MAN1A2: variants seen among roughly 807,000 people sequenced by gnomAD.
The protein encoded by MAN1A2 is mannosyl-oligosaccharide 1,2-alpha-mannosidase IB.
MAN1A2 carries 26 observed loss-of-function variants against 75.7 expected under a neutral mutation model. The ratio of observed to expected loss-of-function variants is 0.34; its 90% CI spans 0.25 to 0.48. MAN1A2 has a LOEUF of 0.48. MAN1A2 is among the 20% of genes least tolerant of loss of function. The pLI is 0.99. For missense variants in MAN1A2, 562 were observed against 775.5 expected (o/e 0.72, Z 3.27); for synonymous variants, 247 against 264.6 (o/e 0.93, Z 0.65).
chr1:117,478,505 A>G (rs1650389519), intron 8 of MAN1A2, among the ~76,000 whole-genome samples: 1 of 151,958 alleles, frequency 6.6e-6, no homozygotes, highest in African/African-American at 2.4e-5. Context: ...CGCCTAACCC[A>G]AGCACACAAA....
chr1:117,394,342 A>G (rs1015737273), intron 1 of MAN1A2, among the ~76,000 whole-genome samples: 1 of 152,070 alleles, frequency 6.6e-6, no homozygotes, highest in African/African-American at 2.4e-5. Context: ...TCGGCCTCCC[A>G]AAGTGCTGGG....
rs1188307623 is a variant in MAN1A2 at position 117,526,346 on chromosome 1, A to G, written c.*3389A>G. Reference sequence around the variant, plus strand: ...TCACAACATTTTAAATGTTTCCAATATGAATCGTGTTACAAAATTCTTAAT... The same window carrying G: ...TCACAACATTTTAAATGTTTCCAATGTGAATCGTGTTACAAAATTCTTAAT... On this transcript the variant is annotated 3_prime_UTR_variant, in exon 13 of 13. Coordinates refer to ENST00000356554, the MANE Select transcript of MAN1A2 (RefSeq NM_006699.5). 1 of 151,940 alleles carries G rather than the reference A, an allele frequency of 6.6e-6. No homozygotes were observed. The highest frequency in any genetic ancestry group is 1.9e-4 in the East Asian group (1 of 5,176). 9.4% of individuals were successfully genotyped at this position (151,940 alleles called of 1,614,324 possible).
chr1:117,385,710 G>A (rs1470568132), intron 1 of MAN1A2, among the ~76,000 whole-genome samples: 1 of 149,352 alleles, frequency 6.7e-6, no homozygotes, highest in East Asian at 1.9e-4. Context: ...ACAGTAGACA[G>A]CAACTGTAAC....
intron 5 of MAN1A2, among the ~76,000 whole-genome samples, chr1:117,421,527 C>T (rs1000357065): frequency 1.3e-5 from 2 of 151,464 alleles, no homozygotes; most frequent in African/African-American, 2.4e-5. Context: ...CAAAAATTCC[C>T]ATTTTCGTAT....
chr1:117,505,814 C>T lies in MAN1A2; in HGVS notation c.1793+2844C>T, dbSNP rs147108479. Among the ~76,000 whole-genome samples the T allele has an allele frequency of 7.2e-4, 109 of 151,336 alleles. 1 individual carries two copies. Among genetic ancestry groups the T allele is most frequent in the African/African-American group, 2.6e-3 (108 of 41,410 alleles). On this transcript the variant is annotated intron_variant, in intron 12 of 12. Transcript: ENST00000356554. ...ATAAAATGACTTAAATTGGATAACT[C>T]TATAAAAATATTGAACTATTAAGTG...
intron 1 of MAN1A2, among the ~76,000 whole-genome samples, chr1:117,368,958 T>G (rs1446976611): frequency 4.6e-5 from 7 of 152,156 alleles, no homozygotes; most frequent in African/African-American, 1.7e-4. Context: ...AGTTGAAGCT[T>G]AGTAGTGAGT....
chr1:117,521,060 G>T (rs1651857721), intron 12 of MAN1A2, among the ~76,000 whole-genome samples: 2 of 151,852 alleles, frequency 1.3e-5, no homozygotes, highest in Non-Finnish European at 2.9e-5. Flanking sequence ...AAACAAAGTG[G>T]GGTAAAGACA....
chr1:117,435,751 A>G (rs1191132832), intron 5 of MAN1A2, among the ~76,000 whole-genome samples: 1 of 152,228 alleles, frequency 6.6e-6, no homozygotes, highest in Non-Finnish European at 1.5e-5. Context: ...AATATTTTGT[A>G]ATAGATAATA....
intron 12 of MAN1A2, among the ~76,000 whole-genome samples, chr1:117,517,045 T>A (rs1651733620): frequency 6.6e-6 from 1 of 152,048 alleles, no homozygotes; most frequent in South Asian, 2.1e-4. Flanking sequence ...ACTGTAAAAA[T>A]TCATATTCAA....
intron 6 of MAN1A2, among the ~76,000 whole-genome samples, chr1:117,458,032 T>C (rs954793960): frequency 1.3e-5 from 2 of 152,170 alleles, no homozygotes; most frequent in Non-Finnish European, 2.9e-5. Context: ...AATCATATCA[T>C]TTTAGAAACA....
chr1:117,375,171 T>G (rs1351933760), intron 1 of MAN1A2, among the ~76,000 whole-genome samples: 5 of 152,142 alleles, frequency 3.3e-5, no homozygotes, highest in African/African-American at 9.6e-5. Flanking sequence ...TTAGGATAGA[T>G]TCTGTGGAAT....
At chr1:117,449,696 A>G (rs541208575) in intron 6 of MAN1A2, among the ~76,000 whole-genome samples, 1 of 152,358 alleles carries the variant, frequency 6.6e-6, no homozygotes, top group African/African-American at 2.4e-5. Flanking sequence ...CTTGAAGGAA[A>G]TTAACAATGC....
In MAN1A2 at chr1:117,499,505, G is replaced by A. The variant is rs199606133; in HGVS notation, c.1628G>A (p.Arg543Gln). 1.1e-5 allele frequency: 17 copies of A among 1,607,692 alleles called. No individual in the cohort carries two copies. Among genetic ancestry groups the A allele is most frequent in the Admixed American group, 3.4e-5 (2 of 59,152 alleles). The change falls in exon 11 of 13, where the codon CGA becomes CAA. Residue 543 changes from arginine (R) to glutamine (Q), a missense_variant. By Grantham distance (43) the Arg-to-Gln change is conservative. Coordinates refer to ENST00000356554, the MANE Select transcript of MAN1A2 (RefSeq NM_006699.5). ...ATTGAAACCTATTGGTACCTATGGC[G>A]ATTCACTCACGATCCAAGATACAGG... ...EVIETYWYLW[R>Q]FTHDPRYRQW...
chr1:117,493,134 TC>T lies in MAN1A2; in HGVS notation c.1169-11del. The T allele has an allele frequency of 6.9e-7, 1 of 1,452,708 alleles. No individual in the cohort carries two copies. The highest frequency in any genetic ancestry group is 1.4e-5 in the African/African-American group (1 of 71,930). The allele number at this position is 1,452,708 out of a possible 1,614,324, so 90.0% of individuals were successfully genotyped here. A position where few individuals can be genotyped will look rare whatever the true frequency, so the allele number is the denominator to read the frequency against. On this transcript the variant is annotated splice_polypyrimidine_tract_variant and intron_variant, in intron 8 of 12. Coordinates refer to ENST00000356554, the MANE Select transcript of MAN1A2 (RefSeq NM_006699.5). ...CCTTTACCTCTATCCTTCTGTTTTCTCCTTTGTTACAGATCATACATCTGTC... is the reference window on the plus strand; with the variant it reads ...CCTTTACCTCTATCCTTCTGTTTTCTCTTTGTTACAGATCATACATCTGTC...
chr1:117,430,148 A>C (rs1474845967), intron 5 of MAN1A2, among the ~76,000 whole-genome samples: 1 of 73,724 alleles, frequency 1.4e-5, no homozygotes. Flanking sequence ...ACTTCCCAGT[A>C]GGGGTGGCCG....
chr1:117,425,166 G>T (rs1393244710), intron 5 of MAN1A2, among the ~76,000 whole-genome samples: 1 of 141,264 alleles, frequency 7.1e-6, no homozygotes, highest in East Asian at 2.3e-4. Context: ...AGGGCAAAGG[G>T]GGGAGGGAAG....
At chr1:117,379,360 T>TA (rs1254386784) in intron 1 of MAN1A2, among the ~76,000 whole-genome samples, 21 of 152,306 alleles carry the variant, frequency 1.4e-4, no homozygotes, top group African/African-American at 4.6e-4. Context: ...GCCGTTTTGT[T>TA]AAGTATAGCC....
At chr1:117,447,449 G>A (rs186222171) in intron 6 of MAN1A2, among the ~76,000 whole-genome samples, 280 of 152,220 alleles carry the variant, frequency 1.8e-3, no homozygotes, top group African/African-American at 6.5e-3. Flanking sequence ...GTGTGTGTAT[G>A]TGTACATAGA....
chr1:117,450,446 A>G (rs899355496), intron 6 of MAN1A2, among the ~76,000 whole-genome samples: 4 of 152,226 alleles, frequency 2.6e-5, no homozygotes, highest in African/African-American at 9.6e-5. Flanking sequence ...TGTGACAGAA[A>G]AGAAAAGCCC....
Sources: gnomAD v4.1 joint callset for allele counts (sites outside exome capture counted in the v4.1 genomes callset) on GRCh38, gnomAD v4.1.1 for gene constraint, MANE v1.5 for transcripts, NCBI Gene and HGNC (gene_info 2026-07-23, HGNC 2026-07-21) for gene names.